TXLNB: variants seen among roughly 807,000 people sequenced by gnomAD.
TXLNB encodes beta-taxilin.
TXLNB carries 37 observed loss-of-function variants against 57.4 expected under a neutral mutation model. The observed-to-expected ratio is 0.64, with a 90% CI of 0.50 to 0.85. TXLNB has a LOEUF of 0.85. TXLNB is among the 40% of genes least tolerant of loss of function. The pLI, the probability that TXLNB is intolerant of heterozygous loss-of-function variation, is 0.00. For synonymous variants in TXLNB, 302 were observed against 309.6 expected (o/e 0.98, Z 0.26); for missense variants, 848 against 825.6 (o/e 1.03, Z -0.33).
chr6:139,210,948 C>T, the TXLNB span, among the ~76,000 whole-genome samples: 55,920 of 152,130 alleles, frequency 0.37, 11,673 homozygotes, highest in African/African-American at 0.58. Context: ...GCACCTGCCA[C>T]TGCTCAGGCT....
intron 3 of TXLNB, among the ~76,000 whole-genome samples, chr6:139,275,113 T>G (rs1010003398): frequency 5.9e-5 from 9 of 152,256 alleles, no homozygotes; most frequent in Middle Eastern, 6.8e-3. Context: ...ACTCATCTTG[T>G]TTAATTTAGT....
the TXLNB span, among the ~76,000 whole-genome samples, chr6:139,308,659 G>A: frequency 3.3e-5 from 5 of 152,148 alleles, no homozygotes; most frequent in Admixed American, 2.6e-4. Context: ...GATTTATATG[G>A]TCACTAGAGG....
At chr6:139,270,364 A>T in intron 4 of TXLNB, 92 bp downstream of exon 4, 1 of 1,274,962 alleles carries the variant, frequency 7.8e-7, no homozygotes. Flanking sequence ...AGCCTCTCTG[A>T]TTCTAAAATT....
the TXLNB span, among the ~76,000 whole-genome samples, chr6:139,206,422 A>AC: frequency 2.0e-5 from 3 of 152,184 alleles, no homozygotes; most frequent in Admixed American, 2.0e-4. Flanking sequence ...TAATCCCAGC[A>AC]CTTTGGGAGG....
In TXLNB at chr6:139,240,829, T is replaced by G. The variant is rs909764596; in HGVS notation, c.*1697A>C. 6.6e-6 allele frequency: 1 copy of G among 152,294 alleles called. No individual in the cohort carries two copies. The highest frequency in any genetic ancestry group is 2.4e-5 in the African/African-American group (1 of 41,470). 9.4% of individuals were successfully genotyped at this position (152,294 alleles called of 1,614,324 possible). A position where few individuals can be genotyped will look rare whatever the true frequency, so the allele number is the denominator to read the frequency against. On this transcript the variant is annotated 3_prime_UTR_variant, in exon 10 of 10. Coordinates refer to ENST00000358430, the MANE Select transcript of TXLNB (RefSeq NM_153235.4). ...GCATATGGTTGCTGCCTACAAGCAC[T>G]TTGTGTGCCTTGGCAAACAGCCACA...
intron 3 of TXLNB, 123 bp downstream of exon 3, chr6:139,276,706 CA>C: frequency 1.4e-6 from 1 of 716,574 alleles, no homozygotes; most frequent in Non-Finnish European, 2.4e-6. Flanking sequence ...AGGGTTAGCG[CA>C]CAGACCTCAG....
chr6:139,278,072 C>T (rs11965233), intron 2 of TXLNB, among the ~76,000 whole-genome samples: 29,312 of 152,138 alleles, frequency 0.19, 3,044 homozygotes, highest in African/African-American at 0.26. Context: ...CTTTGCTAAA[C>T]CTGGCAACTT....
chr6:139,278,665 G>A (rs1776962307), intron 2 of TXLNB, among the ~76,000 whole-genome samples: 1 of 152,220 alleles, frequency 6.6e-6, no homozygotes. Context: ...ATGCAACACA[G>A]TGTTTGGCCC....
chr6:139,225,073 A>C, the TXLNB span, among the ~76,000 whole-genome samples: 1 of 152,210 alleles, frequency 6.6e-6, no homozygotes, highest in Non-Finnish European at 1.5e-5. Context: ...TGTTAACAGA[A>C]GAGAAAAATC....
At chr6:139,176,810 C>A in the TXLNB span, 4 of 639,608 alleles carry the variant, frequency 6.3e-6, no homozygotes, top group Admixed American at 5.2e-5. The surrounding 1 kb of genome is among the most constrained non-coding windows in gnomAD (Gnocchi z 4.5). Context: ...TACCCCGTTT[C>A]CATGTTTTTG....
At chr6:139,164,340 A>G in the TXLNB span, among the ~76,000 whole-genome samples, 1 of 151,922 alleles carries the variant, frequency 6.6e-6, no homozygotes, top group Admixed American at 6.6e-5. Flanking sequence ...TTTCCCTCCA[A>G]AGGGGCCCTT....
the TXLNB span, chr6:139,170,374 C>A: frequency 6.6e-6 from 1 of 152,148 alleles, no homozygotes; most frequent in East Asian, 1.9e-4. Flanking sequence ...AACTAACTTA[C>A]CAGGCTTAAA....
At chr6:139,222,772 A>G in the TXLNB span, among the ~76,000 whole-genome samples, 11 of 152,302 alleles carry the variant, frequency 7.2e-5, no homozygotes, top group Admixed American at 7.2e-4. Context: ...GCGCCACTGC[A>G]CTCCAGCCTG....
chr6:139,173,060 C>T, the TXLNB span, among the ~76,000 whole-genome samples: 1 of 152,200 alleles, frequency 6.6e-6, no homozygotes. Flanking sequence ...ACAGAGAGTG[C>T]AAATGAAATT....
chr6:139,296,041 C>CT (rs1482748910), upstream of TXLNB, among the ~76,000 whole-genome samples: 1 of 152,084 alleles, frequency 6.6e-6, no homozygotes, highest in Non-Finnish European at 1.5e-5. Flanking sequence ...TTGACCCCCC[C>CT]CTCCTCCAGC....
At position 139,283,704 on chromosome 6, in the gene TXLNB, A is replaced by G. The variant is rs1252063239; in HGVS notation, c.424+4772T>C. ...ACAGTAAAGGTCAGAGAATTCTGGCAGTAAAGAAACTGTTTAACTTTGTGA... is the reference window on the plus strand; with the variant it reads ...ACAGTAAAGGTCAGAGAATTCTGGCGGTAAAGAAACTGTTTAACTTTGTGA... On this transcript the variant is annotated intron_variant, in intron 2 of 9. Transcript: ENST00000358430. Among the ~76,000 whole-genome samples, 4 of 146,070 alleles carry G rather than the reference A, an allele frequency of 2.7e-5. 1 individual carries two copies. The highest frequency in any genetic ancestry group is 1.3e-4 in the Admixed American group (2 of 14,862).
the TXLNB span, among the ~76,000 whole-genome samples, chr6:139,231,024 A>G: frequency 6.6e-6 from 1 of 152,164 alleles, no homozygotes; most frequent in Non-Finnish European, 1.5e-5. Context: ...TTCATATAGA[A>G]CTACATACAT....
the TXLNB span, among the ~76,000 whole-genome samples, chr6:139,195,038 A>C: frequency 3.9e-5 from 6 of 152,244 alleles, no homozygotes; most frequent in African/African-American, 1.4e-4. Flanking sequence ...TGCTGTGCTA[A>C]AATCACAGCG....
At chr6:139,174,403 A>G in the TXLNB span, 1 of 1,613,736 alleles carries the variant, frequency 6.2e-7, no homozygotes, top group Admixed American at 1.7e-5. Flanking sequence ...ATGCATCTGT[A>G]TGCCGTGTGC....
Sources: allele counts gnomAD v4.1 joint callset (sites outside exome capture counted in the v4.1 genomes callset), GRCh38; gene constraint gnomAD v4.1.1; non-coding constraint Gnocchi (gnomAD v3.1); transcripts MANE v1.5; gene names NCBI Gene and HGNC (gene_info 2026-07-23, HGNC 2026-07-21).